ZGPAT: variants seen among roughly 807,000 people sequenced by gnomAD.
The protein encoded by ZGPAT is zinc finger CCCH-type and G-patch domain containing.
ZGPAT carries 39 observed loss-of-function variants against 47.9 expected under a neutral mutation model. The ratio of observed to expected loss-of-function variants is 0.81; its 90% CI spans 0.63 to 1.06. ZGPAT has a LOEUF of 1.06. Among genes scored for constraint, ZGPAT ranks in the 50% least tolerant of loss-of-function variants. The pLI, the probability that ZGPAT is intolerant of heterozygous loss-of-function variation, is 0.00. For synonymous variants in ZGPAT, 348 were observed against 292.9 expected (o/e 1.19, Z -1.92); for missense variants, 717 against 681.4 (o/e 1.05, Z -0.58).
chr20:63,733,813 A>G (rs2091948084), intron 4 of ZGPAT, 74 bp downstream of exon 4: 1 of 1,538,960 alleles, frequency 6.5e-7, no homozygotes, highest in Non-Finnish European at 8.7e-7. Flanking sequence ...CGGTGAGGGC[A>G]CCAACCATCT....
rs1389810697 is a variant in ZGPAT, at chr20:63,709,002, C to T, written c.422C>T (p.Ser141Phe). The change falls in exon 2 of 7, where the codon TCC becomes TTC. Residue 141 changes from serine to phenylalanine, a missense_variant. Coordinates refer to ENST00000355969, the MANE Select transcript of ZGPAT (RefSeq NM_181485.3). ...GTKVSAPYYS[S>F]WGTLEYHNAM... Reference sequence around the variant, plus strand: ...AAGGTGAGCGCGCCCTACTACAGCTCCTGGGGCACTCTGGAGTATCACAAC... The same window carrying T: ...AAGGTGAGCGCGCCCTACTACAGCTTCTGGGGCACTCTGGAGTATCACAAC... 5.0e-6 allele frequency: 8 copies of T among 1,613,488 alleles called. No individual in the cohort carries two copies. The highest frequency in any genetic ancestry group is 3.3e-5 in the Admixed American group (2 of 60,004).
intron 2 of ZGPAT, among the ~76,000 whole-genome samples, chr20:63,716,276 C>G (rs539170617): frequency 1.3e-5 from 2 of 152,114 alleles, no homozygotes; most frequent in African/African-American, 4.8e-5. Context: ...GTGATCCACC[C>G]GCCTCGGCCT....
chr20:63,734,386 C>T, intron 4 of ZGPAT: 1 of 432,746 alleles, frequency 2.3e-6, no homozygotes, highest in Non-Finnish European at 4.1e-6. Flanking sequence ...GTGAGGCGCT[C>T]ACAGCCTCGC....
intron 2 of ZGPAT, among the ~76,000 whole-genome samples, chr20:63,725,894 G>A (rs1018952283): frequency 2.6e-5 from 4 of 151,322 alleles, no homozygotes; most frequent in African/African-American, 7.3e-5. Context: ...GTGCAGTGGC[G>A]CGATTTCGGC....
intron 2 of ZGPAT, among the ~76,000 whole-genome samples, chr20:63,732,115 G>A (rs952503569): frequency 2.7e-5 from 4 of 149,144 alleles, no homozygotes; most frequent in Non-Finnish European, 6.0e-5. Flanking sequence ...GCATATATGA[G>A]TGAGTGCACG....
At chr20:63,717,021 C>T (rs1033929821) in intron 2 of ZGPAT, among the ~76,000 whole-genome samples, 2 of 151,662 alleles carry the variant, frequency 1.3e-5, no homozygotes, top group Admixed American at 6.6e-5. Context: ...TTCTCCCTGT[C>T]GGCCAGGCTG....
At chr20:63,715,266 G>C (rs1056808656) in intron 2 of ZGPAT, among the ~76,000 whole-genome samples, 1 of 140,954 alleles carries the variant, frequency 7.1e-6, no homozygotes, top group Non-Finnish European at 1.5e-5. Flanking sequence ...TTTTGAGACA[G>C]AGTCTCACTC....
At chr20:63,715,347 C>T (rs2091716397) in intron 2 of ZGPAT, among the ~76,000 whole-genome samples, 1 of 150,216 alleles carries the variant, frequency 6.7e-6, no homozygotes, top group South Asian at 2.1e-4. Context: ...TCAAGCAATT[C>T]TCCTGCCTCA....
intron 2 of ZGPAT, among the ~76,000 whole-genome samples, chr20:63,730,779 G>T (rs116615546): frequency 0.01 from 1,532 of 152,252 alleles, 37 homozygotes; most frequent in African/African-American, 0.036. Flanking sequence ...GCTGCACCTG[G>T]CCCCTCAGTT....
intron 2 of ZGPAT, among the ~76,000 whole-genome samples, chr20:63,732,570 C>T (rs2091924228): frequency 6.6e-6 from 1 of 151,988 alleles, no homozygotes; most frequent in Non-Finnish European, 1.5e-5. Context: ...TCTGTATTTG[C>T]ATGAGTTCAT....
At chr20:63,709,549 A>G (rs2145631343) in intron 2 of ZGPAT, among the ~76,000 whole-genome samples, 1 of 152,268 alleles carries the variant, frequency 6.6e-6, no homozygotes, top group South Asian at 2.1e-4. Flanking sequence ...AGGCAGGAGA[A>G]TTGGTTGAAC....
intron 2 of ZGPAT, among the ~76,000 whole-genome samples, chr20:63,712,638 G>A (rs1183316797): frequency 6.6e-6 from 1 of 152,218 alleles, no homozygotes; most frequent in African/African-American, 2.4e-5. Flanking sequence ...GCTGACGCCT[G>A]TAATCCCAGT....
At chr20:63,717,645 T>C (rs972446001) in intron 2 of ZGPAT, among the ~76,000 whole-genome samples, 1 of 152,168 alleles carries the variant, frequency 6.6e-6, no homozygotes, top group Non-Finnish European at 1.5e-5. Flanking sequence ...CGATCATAGC[T>C]CTGTAGCCTT....
At chr20:63,732,821 CT>C (rs1457192303) in intron 2 of ZGPAT, among the ~76,000 whole-genome samples, 1 of 149,022 alleles carries the variant, frequency 6.7e-6, no homozygotes, top group Non-Finnish European at 1.5e-5. Flanking sequence ...TGTATGTGTA[CT>C]TGTGTGTGCC....
At position 63,733,301 on chromosome 20, in the gene ZGPAT, G is replaced by A. The variant is rs199550529; in HGVS notation, c.667G>A (p.Ala223Thr). 5 of 1,613,436 alleles carry A rather than the reference G, an allele frequency of 3.1e-6. No individual in the cohort carries two copies. The highest frequency in any genetic ancestry group is 4.2e-6 in the Non-Finnish European group (5 of 1,179,948). The part of the protein sequence containing the change: ...PDLSSLQAGS[A>T]CLAKHQDGLW... ...CCTGAGCTCCCTGCAGGCCGGCTCT[G>A]CGTGTCTGGCCAAGCACCAGGATGG... The change falls in exon 3 of 7, where the codon GCG (alanine) becomes ACG (threonine). Residue 223 changes from alanine to threonine, a missense_variant. By Grantham distance (58) the Ala-to-Thr change is moderately conservative (BLOSUM62 0). Transcript: ENST00000355969.
In ZGPAT at chr20:63,726,732, G is replaced by A. The variant is rs1298961652; in HGVS notation, c.585-6487G>A. On this transcript the variant is annotated intron_variant, in intron 2 of 6. Transcript: ENST00000355969. Reference sequence around the variant, plus strand: ...AGTAGAGACAGGATTTCACCATGTTGGCCAGGCTGGTCTTGAACTCCTGAC... The same window carrying A: ...AGTAGAGACAGGATTTCACCATGTTAGCCAGGCTGGTCTTGAACTCCTGAC... Among the ~76,000 whole-genome samples the A allele has an allele frequency of 6.6e-5, 10 of 152,086 alleles. No individual in the cohort carries two copies. In the East Asian group the frequency reaches 1.9e-3, roughly 29 times the overall value.
chr20:63,723,416 A>C (rs74366340), intron 2 of ZGPAT, among the ~76,000 whole-genome samples: 519 of 33,632 alleles, frequency 0.015, 1 homozygote, highest in Admixed American at 0.019. Context: ...CCCTTCTCCT[A>C]TGACACAGCT....
intron 4 of ZGPAT, chr20:63,734,283 T>C (rs1453011402): frequency 1.1e-5 from 3 of 266,784 alleles, no homozygotes; most frequent in African/African-American, 2.2e-5. Flanking sequence ...GGGGTCTGCA[T>C]GTTGGAGGTG....
intron 2 of ZGPAT, among the ~76,000 whole-genome samples, chr20:63,711,855 G>T (rs2091672200): frequency 6.6e-6 from 1 of 152,292 alleles, no homozygotes; most frequent in East Asian, 1.9e-4. Flanking sequence ...AAAGTGCTGG[G>T]ATTACAGGCA....
Sources: gnomAD v4.1 joint callset for allele counts (sites outside exome capture counted in the v4.1 genomes callset) on GRCh38, gnomAD v4.1.1 for gene constraint, MANE v1.5 for transcripts, NCBI Gene and HGNC (gene_info 2026-07-23, HGNC 2026-07-21) for gene names.